The following NHLRC2 variants were observed in gnomAD, a reference collection of about 807,000 sequenced individuals.
NHLRC2 encodes NHL repeat-containing protein 2.
NHLRC2 carries 33 observed loss-of-function variants against 68.1 expected under a neutral mutation model. That is an observed-to-expected ratio of 0.48 (90% CI 0.37 to 0.65). NHLRC2 has a LOEUF of 0.65. Among genes scored for constraint, NHLRC2 ranks in the 30% least tolerant of loss-of-function variants. The pLI is 0.00. For missense variants in NHLRC2, 761 were observed against 853.8 expected, an observed-to-expected ratio of 0.89 and a Z score of 1.35; for synonymous variants, 311 against 309.6, an observed-to-expected ratio of 1.00 and a Z score of -0.05.
chr10:113,890,111 G>C (rs1251182558), intron 5 of NHLRC2, among the ~76,000 whole-genome samples: 1 of 152,210 alleles, frequency 6.6e-6, no homozygotes, highest in Non-Finnish European at 1.5e-5. Flanking sequence ...CTGCCAGACT[G>C]TTTTCCACAG....
At chr10:113,892,948 G>A (rs984549006) in intron 5 of NHLRC2, among the ~76,000 whole-genome samples, 4 of 152,122 alleles carry the variant, frequency 2.6e-5, no homozygotes, top group East Asian at 1.9e-4. Context: ...TGCATAGAAA[G>A]CATAATATAA....
Position 113,913,999 on chromosome 10 carries a change from TG to T in NHLRC2, c.*5464del, listed in dbSNP as rs1399634633. The T allele has an allele frequency of 6.6e-5, 10 of 151,686 alleles. 1 individual carries two copies. The East Asian group carries it at 1.9e-3, about 30-fold the overall frequency. 9.4% of individuals were successfully genotyped at this position (151,686 alleles called of 1,614,324 possible). A position where few individuals can be genotyped will look rare whatever the true frequency, so the allele number is the denominator to read the frequency against. On this transcript the variant is annotated 3_prime_UTR_variant, in exon 11 of 11. Transcript: ENST00000369301. Reference sequence around the variant, plus strand: ...AGTAGCTGGCGCTCACCACTACTGGTGCCCACCACAATGCCCGGCTAATTTT... The same window carrying T: ...AGTAGCTGGCGCTCACCACTACTGGTCCCACCACAATGCCCGGCTAATTTT...
chr10:113,868,062 C>T (rs1845886210), intron 2 of NHLRC2, among the ~76,000 whole-genome samples: 1 of 152,098 alleles, frequency 6.6e-6, no homozygotes, highest in South Asian at 2.1e-4. Flanking sequence ...GATCACAGCT[C>T]ACGGCAGCCA....
At chr10:113,897,663 T>G (rs1336125466) in intron 5 of NHLRC2, among the ~76,000 whole-genome samples, 1 of 152,230 alleles carries the variant, frequency 6.6e-6, no homozygotes, top group Non-Finnish European at 1.5e-5. Flanking sequence ...TGTGGTATGC[T>G]AAAAATTAAT....
intron 4 of NHLRC2, 56 bp from the exon 5 acceptor site, chr10:113,884,195 A>G (rs777441636): frequency 6.5e-6 from 10 of 1,547,402 alleles, no homozygotes; most frequent in Non-Finnish European, 8.8e-6. Flanking sequence ...TACACAGCAA[A>G]AGACAAAAGC....
chr10:113,887,978 C>G (rs1846097305), intron 5 of NHLRC2, among the ~76,000 whole-genome samples: 2 of 152,064 alleles, frequency 1.3e-5, no homozygotes, highest in African/African-American at 4.8e-5. Context: ...GCCTATAATC[C>G]CAGCACTTTG....
intron 5 of NHLRC2, among the ~76,000 whole-genome samples, chr10:113,893,938 TGA>T (rs1846155112): frequency 6.6e-6 from 1 of 152,146 alleles, no homozygotes; most frequent in Non-Finnish European, 1.5e-5. Flanking sequence ...AGTGGGACAT[TGA>T]TGTGAAAGAG....
chr10:113,894,856 C>G (rs903287697), intron 5 of NHLRC2, among the ~76,000 whole-genome samples: 4 of 151,978 alleles, frequency 2.6e-5, no homozygotes, highest in Non-Finnish European at 4.4e-5. Flanking sequence ...TCCCAGATCC[C>G]CTTCCTATAA....
chr10:113,873,419 G>T (rs1178055728), intron 2 of NHLRC2, among the ~76,000 whole-genome samples: 1 of 152,106 alleles, frequency 6.6e-6, no homozygotes, highest in Non-Finnish European at 1.5e-5. Context: ...AAGCACAACT[G>T]GGTATAATAA....
At position 113,854,926 on chromosome 10, in the gene NHLRC2, G is replaced by T; in HGVS notation, c.54G>T (p.Gln18His). ...GCCTCTCCGGCCTGCTCCCCGCGCA[G>T]ACCTCGCTAGAGTACGCCCTGCTCG... ...GRSLSGLLPA[Q>H]TSLEYALLDA... Residue 18 changes from glutamine (Q) to histidine (H), a missense_variant, in exon 1 of 11, where the codon CAG (glutamine) becomes CAT (histidine). Gln to His is a conservative substitution (Grantham distance 24). Transcript: ENST00000369301. 2 of 1,554,088 alleles carry T rather than the reference G, an allele frequency of 1.3e-6. No individual in the cohort carries two copies. Among genetic ancestry groups the T allele is most frequent in the Non-Finnish European group, 1.7e-6 (2 of 1,148,466 alleles).
intron 2 of NHLRC2, among the ~76,000 whole-genome samples, chr10:113,862,176 G>C (rs527348106): frequency 2.0e-5 from 3 of 152,004 alleles, no homozygotes; most frequent in Admixed American, 6.6e-5. Flanking sequence ...ACCGAGCCCG[G>C]CCTATTTTCT....
At chr10:113,878,011 T>C (rs1204371819) in intron 3 of NHLRC2, among the ~76,000 whole-genome samples, 1 of 152,232 alleles carries the variant, frequency 6.6e-6, no homozygotes, top group Non-Finnish European at 1.5e-5. Context: ...GTGAATATTC[T>C]TTGTTAAAAG....
chr10:113,904,099 T>C (rs1056582964), intron 9 of NHLRC2, among the ~76,000 whole-genome samples: 1 of 137,578 alleles, frequency 7.3e-6, no homozygotes, highest in Non-Finnish European at 1.6e-5. Flanking sequence ...ATTGTTTTTG[T>C]TTTTTTTTTT....
At chr10:113,856,920 A>G (rs1447321679) in intron 1 of NHLRC2, among the ~76,000 whole-genome samples, 1 of 152,202 alleles carries the variant, frequency 6.6e-6, no homozygotes, top group Admixed American at 6.5e-5. Flanking sequence ...TAATGGATAG[A>G]TTCACAGAGA....
At chr10:113,904,684 A>G (rs1846258552) in intron 9 of NHLRC2, 133 bp from the exon 10 acceptor site, 1 of 673,358 alleles carries the variant, frequency 1.5e-6, no homozygotes. Flanking sequence ...AACACATTCT[A>G]ATTCAAACTA....
chr10:113,855,048 AAGGTG>A lies in NHLRC2; in HGVS notation c.178+2_178+6del. On this transcript the variant is annotated splice_donor_variant and splice_donor_region_variant and coding_sequence_variant and intron_variant, in exon 1 of 11. Coordinates refer to ENST00000369301, the MANE Select transcript of NHLRC2 (RefSeq NM_198514.4). LOFTEE classifies it high-confidence loss of function. ...GACTTGTCAGTACCCGAGTTTCCGG[AAGGTG>A]AGGGGCTGGCGTCGGGGTGGGGGCC... is the stretch of plus-strand genomic sequence containing the variant. 1.9e-6 allele frequency: 3 copies of A among 1,551,590 alleles called. No homozygotes were observed. The highest frequency in any genetic ancestry group is 2.6e-6 in the Non-Finnish European group (3 of 1,146,904).
intron 2 of NHLRC2, among the ~76,000 whole-genome samples, chr10:113,873,494 T>C (rs1845948735): frequency 6.6e-6 from 1 of 152,164 alleles, no homozygotes; most frequent in African/African-American, 2.4e-5. Context: ...GCTACATGGC[T>C]AACTAGTATA....
rs1846393687 is a variant in NHLRC2 at position 113,917,050 on chromosome 10, G to T, written c.*8514G>T. ...GATTGTTTGGAACGAGAGTGCAGTG[G>T]CTTCTTTACTAGCAAAGAGAAGTGT... On this transcript the variant is annotated 3_prime_UTR_variant, in exon 11 of 11. Coordinates refer to ENST00000369301, the MANE Select transcript of NHLRC2 (RefSeq NM_198514.4). 6.6e-6 allele frequency: 1 copy of T among 152,152 alleles called. No homozygotes were observed. Among genetic ancestry groups the T allele is most frequent in the Non-Finnish European group, 1.5e-5 (1 of 68,016 alleles). 9.4% of individuals were successfully genotyped at this position (152,152 alleles called of 1,614,324 possible). A position where few individuals can be genotyped will look rare whatever the true frequency, so the allele number is the denominator to read the frequency against.
chr10:113,911,199 A>T lies in NHLRC2; in HGVS notation c.*2663A>T, dbSNP rs1384338767. On this transcript the variant is annotated 3_prime_UTR_variant, in exon 11 of 11. Coordinates refer to ENST00000369301, the MANE Select transcript of NHLRC2 (RefSeq NM_198514.4). ...ATAATACCTGGAATCTTTGCCCTAA[A>T]TTATTCTGCTGGTTTGTCGCTATTT... The T allele has an allele frequency of 6.6e-6, 1 of 152,104 alleles. No individual in the cohort carries two copies. The highest frequency in any genetic ancestry group is 1.5e-5 in the Non-Finnish European group (1 of 67,982). 9.4% of individuals were successfully genotyped at this position (152,104 alleles called of 1,614,324 possible). A position where few individuals can be genotyped will look rare whatever the true frequency, so the allele number is the denominator to read the frequency against.
Sources: gnomAD v4.1 joint callset for allele counts (sites outside exome capture counted in the v4.1 genomes callset) on GRCh38, gnomAD v4.1.1 for gene constraint, MANE v1.5 for transcripts, NCBI Gene and HGNC (gene_info 2026-07-23, HGNC 2026-07-21) for gene names.